Variants in WHRN observed in about 807,000 individuals in gnomAD.
WHRN encodes the protein CASK-interacting protein CIP98.
Under a neutral mutation model 68.3 loss-of-function variants are expected in WHRN, and 41 were observed. The observed-to-expected ratio is 0.60, with a 90% CI of 0.47 to 0.78. The LOEUF (loss-of-function observed/expected upper bound fraction) is 0.78. Among genes scored for constraint, WHRN ranks in the 30% least tolerant of loss-of-function variants. The pLI is 0.00. For synonymous variants in WHRN, 560 were observed against 561.3 expected (o/e 1.00, Z 0.03); for missense variants, 1,243 against 1,244.7 (o/e 1.00, Z 0.02).
chr9:114,462,337 TAA>T (rs1840315183), intron 3 of WHRN, among the ~76,000 whole-genome samples: 1 of 152,150 alleles, frequency 6.6e-6, no homozygotes, highest in Non-Finnish European at 1.5e-5. Context: ...TTGCTCTATG[TAA>T]AGAGAACTCT....
intron 3 of WHRN, among the ~76,000 whole-genome samples, chr9:114,447,733 T>C (rs1838954952): frequency 6.7e-6 from 1 of 148,340 alleles, no homozygotes; most frequent in African/African-American, 2.5e-5. Flanking sequence ...TGTCTCTCTC[T>C]GTCACTCACT....
chr9:114,458,801 T>C (rs1840014188), intron 3 of WHRN, among the ~76,000 whole-genome samples: 1 of 152,230 alleles, frequency 6.6e-6, no homozygotes. Context: ...CAAAGAATCC[T>C]GGTGCCCCAG....
intron 7 of WHRN, among the ~76,000 whole-genome samples, chr9:114,413,546 G>C (rs977895438): frequency 6.6e-6 from 1 of 152,184 alleles, no homozygotes; most frequent in African/African-American, 2.4e-5. Flanking sequence ...AGGTGGCGAC[G>C]GGGAATCATT....
At chr9:114,456,959 G>C (rs1839860264) in intron 3 of WHRN, among the ~76,000 whole-genome samples, 1 of 152,122 alleles carries the variant, frequency 6.6e-6, no homozygotes, top group African/African-American at 2.4e-5. Flanking sequence ...AAAGGGGAAA[G>C]ATAGAATAAA....
chr9:114,463,234 C>T (rs1363025671), intron 3 of WHRN, among the ~76,000 whole-genome samples: 6 of 152,224 alleles, frequency 3.9e-5, no homozygotes, highest in Non-Finnish European at 8.8e-5. Context: ...GTGTTGGCTG[C>T]CAGGAAGCTC....
intron 9 of WHRN, among the ~76,000 whole-genome samples, chr9:114,405,756 C>T (rs1819109036): frequency 6.6e-6 from 1 of 152,244 alleles, no homozygotes; most frequent in South Asian, 2.1e-4. Context: ...CGCAAGATGG[C>T]AGCAGAATCC....
At chr9:114,414,060 T>C (rs1330430007) in intron 7 of WHRN, among the ~76,000 whole-genome samples, 1 of 152,186 alleles carries the variant, frequency 6.6e-6, no homozygotes, top group African/African-American at 2.4e-5. Context: ...CCCGAGAACT[T>C]GGCTGGGGGA....
chr9:114,456,845 A>G (rs1215217645), intron 3 of WHRN, among the ~76,000 whole-genome samples: 1 of 150,390 alleles, frequency 6.6e-6, no homozygotes, highest in African/African-American at 2.4e-5. Flanking sequence ...AAAAAAAAGT[A>G]TATGGATTAG....
At chr9:114,417,063 A>G (rs1835868883) in intron 7 of WHRN, among the ~76,000 whole-genome samples, 1 of 152,238 alleles carries the variant, frequency 6.6e-6, no homozygotes, top group South Asian at 2.1e-4. Context: ...CTCTCGGCCA[A>G]CATCTTTATG....
Position 114,448,545 on chromosome 9 carries a change from G to C in WHRN, c.963+17722C>G, listed in dbSNP as rs373251087. ...ACTTGTGACAGCTTTAAACAAGAAA[G>C]CCCAGCTGAGGGATACTCTGTGCCT... On this transcript the variant is annotated intron_variant, in intron 3 of 11. Transcript: ENST00000362057. 7.6e-4 allele frequency among the ~76,000 whole-genome samples: 115 copies of C among 152,218 alleles called. No individual in the cohort carries two copies. The Middle Eastern group carries it at 0.01, about 14-fold the overall frequency.
At chr9:114,415,032 C>T (rs1835711052) in intron 7 of WHRN, among the ~76,000 whole-genome samples, 1 of 152,184 alleles carries the variant, frequency 6.6e-6, no homozygotes, top group Non-Finnish European at 1.5e-5. Context: ...TGCTGTGGCT[C>T]ACACCTGTAA....
intron 3 of WHRN, among the ~76,000 whole-genome samples, chr9:114,445,527 G>A (rs920067524): frequency 1.3e-5 from 2 of 152,064 alleles, no homozygotes; most frequent in Non-Finnish European, 2.9e-5. Flanking sequence ...AGACTGTCAA[G>A]TGTATAAAGA....
intron 1 of WHRN, among the ~76,000 whole-genome samples, chr9:114,482,972 C>G (rs7034891): frequency 0.56 from 84,924 of 151,982 alleles, 25,028 homozygotes; most frequent in African/African-American, 0.75. Context: ...AGGAGTACAA[C>G]AGGCACAGCC....
intron 3 of WHRN, among the ~76,000 whole-genome samples, chr9:114,447,621 T>C (rs1442856708): frequency 6.6e-6 from 1 of 152,180 alleles, no homozygotes; most frequent in Non-Finnish European, 1.5e-5. Context: ...GGACCAACTG[T>C]GCTGTGGTTT....
At chr9:114,436,250 T>C (rs1354542280) in intron 3 of WHRN, among the ~76,000 whole-genome samples, 1 of 152,116 alleles carries the variant, frequency 6.6e-6, no homozygotes, top group Non-Finnish European at 1.5e-5. Context: ...GCACAGAGGA[T>C]TTTTAGAGGG....
chr9:114,490,594 G>C (rs1019879905), intron 1 of WHRN, among the ~76,000 whole-genome samples: 1 of 152,096 alleles, frequency 6.6e-6, no homozygotes, highest in Non-Finnish European at 1.5e-5. Context: ...CCTTCTCTGA[G>C]GGTTCAATGT....
intron 3 of WHRN, among the ~76,000 whole-genome samples, chr9:114,452,564 C>T (rs1839431787): frequency 6.6e-6 from 1 of 152,234 alleles, no homozygotes; most frequent in African/African-American, 2.4e-5. Context: ...CTGGCCTGAA[C>T]ACAGCACAGA....
intron 5 of WHRN, 127 bp from the exon 6 acceptor site, chr9:114,424,673 C>A (rs556005276): frequency 3.8e-4 from 408 of 1,066,260 alleles, no homozygotes; most frequent in Admixed American, 6.1e-4. Context: ...TCCCTCATAA[C>A]CCCCAGCACC....
Position 114,403,902 on chromosome 9 carries a change from G to A in WHRN, c.2412C>T (p.Asn804=), listed in dbSNP as rs752996781. Reference sequence around the variant, plus strand: ...CCTCCTCCTCCTGGCTCACCGGTTTGTTGGCCCCATCTGTGGGCCTCTCGT... The same window carrying A: ...CCTCCTCCTCCTGGCTCACCGGTTTATTGGCCCCATCTGTGGGCCTCTCGT... ...PRNERPTDGA[N]KPPGLLEPTS... Residue 804 remains asparagine (N), a synonymous_variant, in exon 10 of 12, where the codon AAC becomes AAT. Transcript: ENST00000362057. The A allele has an allele frequency of 3.8e-5, 62 of 1,610,556 alleles. No homozygotes were observed. The highest frequency in any genetic ancestry group is 4.3e-5 in the Non-Finnish European group (51 of 1,180,022).
Sources: allele counts gnomAD v4.1 joint callset (sites outside exome capture counted in the v4.1 genomes callset), GRCh38; gene constraint gnomAD v4.1.1; transcripts MANE v1.5; gene names NCBI Gene and HGNC (gene_info 2026-07-23, HGNC 2026-07-21).